PTPRU: variants seen among roughly 807,000 people sequenced by gnomAD.
The protein encoded by PTPRU is protein tyrosine phosphatase receptor type U, also known as receptor-type tyrosine-protein phosphatase U.
In PTPRU, 69 loss-of-function variants were observed where a neutral mutation model predicts 166.3. The ratio of observed to expected loss-of-function variants is 0.41; its 90% CI spans 0.34 to 0.51. The LOEUF (loss-of-function observed/expected upper bound fraction) is 0.51. Among genes scored for constraint, PTPRU ranks in the 20% least tolerant of loss-of-function variants. PTPRU has a pLI of 0.09. For missense variants in PTPRU, 1,657 were observed against 2,013.7 expected, an observed-to-expected ratio of 0.82 and a Z score of 3.39; for synonymous variants, 793 against 814.0, an observed-to-expected ratio of 0.97 and a Z score of 0.44.
rs75970080 is a variant in PTPRU, at chr1:29,282,584, C to A, written c.1869-92C>A. On this transcript the variant is annotated intron_variant, in intron 11 of 29. Transcript: ENST00000373779. The stretch of plus-strand genomic sequence containing the variant: ...GTGTGGAAGTTAGTCCCCAGGAGGG[C>A]TTGACCACAAAGCCCATGCCTTTAA... 2,997 of 1,472,180 alleles carry A rather than the reference C, an allele frequency of 2.0e-3. 58 individuals are homozygous for A. In the African/African-American group the frequency reaches 0.038, roughly 18 times the overall value. 91.2% of individuals were successfully genotyped at this position (1,472,180 alleles called of 1,614,324 possible).
At chr1:29,323,198 G>T in intron 26 of PTPRU, 173 bp from the exon 27 acceptor site, 14 of 842,494 alleles carry the variant, frequency 1.7e-5, no homozygotes, top group Non-Finnish European at 2.5e-5. Flanking sequence ...CTTGCAGCCT[G>T]TGGGCAACTG....
In PTPRU at chr1:29,325,581, C is replaced by T. The variant is rs1183794413; in HGVS notation, c.4249-18C>T. On this transcript the variant is annotated intron_variant, in intron 29 of 29. Transcript: ENST00000373779. ...TGGGGTCAGGCTCATGATTCCCTCC[C>T]TCTCTTCCTCTCCCCAGGATCAGTA... The T allele has an allele frequency of 3.1e-6, 5 of 1,602,476 alleles. No homozygotes were observed. The highest frequency in any genetic ancestry group is 1.1e-5 in the South Asian group (1 of 90,820).
At position 29,289,760 on chromosome 1, in the gene PTPRU, A is replaced by G. The variant is rs1355086383; in HGVS notation, c.2319-2109A>G. ...GGAGTCCCCGGCCCTGCCTAGGGGG[A>G]GATCCCCTGTCCCCGCCTTCTCTGG... On this transcript the variant is annotated intron_variant, in intron 14 of 29. Coordinates refer to ENST00000373779, the MANE Select transcript of PTPRU (RefSeq NM_133178.4). 5.0e-6 allele frequency: 8 copies of G among 1,595,652 alleles called. No homozygotes were observed. In the Admixed American group the frequency reaches 1.0e-4, roughly 20 times the overall value.
intron 18 of PTPRU, among the ~76,000 whole-genome samples, chr1:29,309,765 C>A (rs1273605641): frequency 2.6e-5 from 4 of 152,198 alleles, no homozygotes; most frequent in Non-Finnish European, 5.9e-5. Context: ...GGGATTTGAA[C>A]CTTGGCAGTC....
chr1:29,298,654 T>C (rs957078373), intron 15 of PTPRU, among the ~76,000 whole-genome samples: 49 of 152,196 alleles, frequency 3.2e-4, no homozygotes, highest in Non-Finnish European at 6.9e-4. Context: ...CCAGTCGGTG[T>C]TGGCCAAATT....
At chr1:29,316,239 G>T in intron 24 of PTPRU, 88 bp downstream of exon 24, 1 of 1,441,482 alleles carries the variant, frequency 6.9e-7, no homozygotes, top group Non-Finnish European at 9.4e-7. Flanking sequence ...GTCATTGAGG[G>T]CCAAGAAGCA....
Position 29,312,707 on chromosome 1 carries a change from G to T in PTPRU, c.3227+1G>T. 1.2e-6 allele frequency: 2 copies of T among 1,600,028 alleles called. No individual in the cohort carries two copies. Among genetic ancestry groups the T allele is most frequent in the Non-Finnish European group, 1.7e-6 (2 of 1,169,472 alleles). ...CCGGGCCCATTGTCATCCACTGCAG[G>T]TGGGGGCACCGGGAATCCCAAGGAG... On this transcript the variant is annotated splice_donor_variant, in intron 22 of 29. Transcript: ENST00000373779. LOFTEE classifies it high-confidence loss of function.
At position 29,236,592 on chromosome 1, in the gene PTPRU, C is replaced by CG. The variant is rs1199845416; in HGVS notation, c.-48dup. Reference sequence around the variant, plus strand: ...CTCGCCTCGGGCTGGGCTCGGGCTCCGGGGGCGGCGTCCCCCGCGCCGGGC... The same window carrying CG: ...CTCGCCTCGGGCTGGGCTCGGGCTCCGGGGGGCGGCGTCCCCCGCGCCGGGC... On this transcript the variant is annotated 5_prime_UTR_variant, in exon 1 of 30. Transcript: ENST00000373779. The surrounding 1 kb of genome is among the most constrained non-coding windows in gnomAD (Gnocchi z 4.6). 1 of 1,193,788 alleles carries CG rather than the reference C, an allele frequency of 8.4e-7. No homozygotes were observed. Among genetic ancestry groups the CG allele is most frequent in the African/African-American group, 1.6e-5 (1 of 62,632 alleles). The allele number at this position is 1,193,788 out of a possible 1,614,324, so 73.9% of individuals were successfully genotyped here.
rs528489064 is a variant in PTPRU, at chr1:29,315,374, C to T, written c.3230C>T (p.Ala1077Val). ...GTCTGGGGCTGCTCTCTCTCCAGCG[C>T]GGGCACCGGCCGCACAGGTTGCTAT... is the stretch of plus-strand genomic sequence containing the variant. ...DAGPIVIHCS[A>V]GTGRTGCYIV... Residue 1077 changes from alanine (A) to valine (V), a missense_variant and splice_region_variant, in exon 23 of 30, where the codon GCG becomes GTG. Coordinates refer to ENST00000373779, the MANE Select transcript of PTPRU (RefSeq NM_133178.4). This position sits in a 1 kb window ranked among gnomAD's most constrained non-coding sequence, Gnocchi z 4.5. The T allele has an allele frequency of 3.7e-5, 59 of 1,614,150 alleles. No individual in the cohort carries two copies. The highest frequency in any genetic ancestry group is 2.3e-4 in the Admixed American group (14 of 60,032).
rs535040478 is a variant in PTPRU at position 29,257,488 on chromosome 1, C to T, written c.206-1017C>T. ...GGCAGCGCTGGGTGGTTTCGGGTGCCCTTTGGGAAGCCCAAATCCCCCCGC... is the reference window on the plus strand; with the variant it reads ...GGCAGCGCTGGGTGGTTTCGGGTGCTCTTTGGGAAGCCCAAATCCCCCCGC... On this transcript the variant is annotated intron_variant, in intron 2 of 29. Transcript: ENST00000373779. The surrounding 1 kb of genome is among the most constrained non-coding windows in gnomAD (Gnocchi z 4.6). Among the ~76,000 whole-genome samples, 1 of 152,224 alleles carries T rather than the reference C, an allele frequency of 6.6e-6. No homozygotes were observed. Among genetic ancestry groups the T allele is most frequent in the South Asian group, 2.1e-4 (1 of 4,828 alleles).
chr1:29,315,867 G>T lies in PTPRU; in HGVS notation c.3364-135G>T. The T allele has an allele frequency of 2.7e-6, 3 of 1,116,460 alleles. No homozygotes were observed. Among genetic ancestry groups the T allele is most frequent in the Non-Finnish European group, 3.8e-6 (3 of 792,728 alleles). 69.2% of individuals were successfully genotyped at this position (1,116,460 alleles called of 1,614,324 possible). On this transcript the variant is annotated intron_variant, in intron 23 of 29. Coordinates refer to ENST00000373779, the MANE Select transcript of PTPRU (RefSeq NM_133178.4). The surrounding 1 kb of genome is among the most constrained non-coding windows in gnomAD (Gnocchi z 4.5). The stretch of plus-strand genomic sequence containing the variant: ...CATGGAGGTTGTTTCAGGTAGGCTT[G>T]GTCCAGCCTGTAGTAACATGGTTGG...
Position 29,275,434 on chromosome 1 carries a change from C to A in PTPRU, c.1145-14C>A. ...TTCTTCTAACTTCTTCTCTCTGCTTCCTGCATTCTCCAGAGCCCATGAGGG... is the reference window on the plus strand; with the variant it reads ...TTCTTCTAACTTCTTCTCTCTGCTTACTGCATTCTCCAGAGCCCATGAGGG... On this transcript the variant is annotated splice_polypyrimidine_tract_variant and intron_variant, in intron 7 of 29. Transcript: ENST00000373779. 1.3e-6 allele frequency: 2 copies of A among 1,597,822 alleles called. No homozygotes were observed. The highest frequency in any genetic ancestry group is 1.7e-6 in the Non-Finnish European group (2 of 1,166,732).
At chr1:29,281,622 G>A (rs1024806931) in intron 11 of PTPRU, among the ~76,000 whole-genome samples, 5 of 152,188 alleles carry the variant, frequency 3.3e-5, no homozygotes, top group African/African-American at 1.2e-4. Flanking sequence ...ATTACCTCCT[G>A]GTGGGATTTA....
chr1:29,325,461 A>G, intron 29 of PTPRU, 135 bp downstream of exon 29: 1 of 1,503,254 alleles, frequency 6.7e-7, no homozygotes. Flanking sequence ...CTAAAACATT[A>G]CCCCCATTTC....
At chr1:29,293,664 C>T (rs568703884) in intron 15 of PTPRU, among the ~76,000 whole-genome samples, 3 of 150,922 alleles carry the variant, frequency 2.0e-5, no homozygotes, top group Admixed American at 6.6e-5. Flanking sequence ...TTAATAGAGA[C>T]GGGATTTCAC....
intron 1 of PTPRU, among the ~76,000 whole-genome samples, chr1:29,246,260 T>C (rs1684292800): frequency 6.6e-6 from 1 of 152,246 alleles, no homozygotes; most frequent in Non-Finnish European, 1.5e-5. Flanking sequence ...TGTCCTGGCC[T>C]TTCACGCTCC....
Position 29,320,935 on chromosome 1 carries a change from T to C in PTPRU, c.3828+110T>C. On this transcript the variant is annotated intron_variant, in intron 26 of 29. Coordinates refer to ENST00000373779, the MANE Select transcript of PTPRU (RefSeq NM_133178.4). This position sits in a 1 kb window ranked among gnomAD's most constrained non-coding sequence, Gnocchi z 5.2. ...TTGGGTCCCAGCTCTGCCATCTATT[T>C]ATTGTGTGATGAATCATACACCTTC... 1.6e-6 allele frequency: 2 copies of C among 1,265,114 alleles called. No individual in the cohort carries two copies. Among genetic ancestry groups the C allele is most frequent in the South Asian group, 1.9e-5 (1 of 52,786 alleles). The allele number at this position is 1,265,114 out of a possible 1,614,324, so 78.4% of individuals were successfully genotyped here. A position where few individuals can be genotyped will look rare whatever the true frequency, so the allele number is the denominator to read the frequency against.
intron 16 of PTPRU, 21 bp from the exon 17 acceptor site, chr1:29,304,750 GACC>G: frequency 6.3e-7 from 1 of 1,589,688 alleles, no homozygotes; most frequent in Non-Finnish European, 8.6e-7. Context: ...CTCTCCCACT[GACC>G]ACCACTTTTC....
chr1:29,261,035 A>G (rs1425330679), intron 7 of PTPRU, 132 bp downstream of exon 7: 1 of 1,076,936 alleles, frequency 9.3e-7, no homozygotes, highest in South Asian at 2.0e-5. Flanking sequence ...AACCCTTGTT[A>G]TGGTAAAGAT....
Sources: allele counts gnomAD v4.1 joint callset (sites outside exome capture counted in the v4.1 genomes callset), GRCh38; gene constraint gnomAD v4.1.1; non-coding constraint Gnocchi (gnomAD v3.1); transcripts MANE v1.5; gene names NCBI Gene and HGNC (gene_info 2026-07-23, HGNC 2026-07-21).